SLC4A10: variants seen among roughly 807,000 people sequenced by gnomAD.
SLC4A10 encodes the protein solute carrier family 4 member 10.
In SLC4A10, 42 loss-of-function variants were observed where a neutral mutation model predicts 137.7. The ratio of observed to expected loss-of-function variants is 0.30; its 90% CI spans 0.24 to 0.39. The LOEUF (loss-of-function observed/expected upper bound fraction) is 0.39, where lower values mean the gene tolerates loss of function less well. SLC4A10 is among the 10% of genes least tolerant of loss of function. SLC4A10 has a pLI of 1.00. For missense variants in SLC4A10, 925 were observed against 1,355.0 expected (o/e 0.68, Z 4.98); for synonymous variants, 474 against 464.1 (o/e 1.02, Z -0.27).
At chr2:161,750,006 C>T (rs151071070) in intron 1 of SLC4A10, among the ~76,000 whole-genome samples, 230 of 151,688 alleles carry the variant, frequency 1.5e-3, no homozygotes, top group African/African-American at 5.4e-3. Context: ...AGAATTTACC[C>T]ATTTCCTATA....
At chr2:161,687,790 A>G (rs2041596496) in intron 1 of SLC4A10, among the ~76,000 whole-genome samples, 1 of 152,106 alleles carries the variant, frequency 6.6e-6, no homozygotes, top group African/African-American at 2.4e-5. Flanking sequence ...ATGATTTTAC[A>G]AGTGTCTGGC....
chr2:161,739,704 C>A (rs1339082451), intron 1 of SLC4A10, among the ~76,000 whole-genome samples: 1 of 152,172 alleles, frequency 6.6e-6, no homozygotes, highest in Non-Finnish European at 1.5e-5. Flanking sequence ...TAGCCATAAG[C>A]AGTCTCTGTG....
intron 21 of SLC4A10, among the ~76,000 whole-genome samples, chr2:161,959,383 G>GTGGT (rs1483886889): frequency 6.6e-6 from 1 of 152,238 alleles, no homozygotes; most frequent in African/African-American, 2.4e-5. Context: ...GATGTCCCAT[G>GTGGT]TGGTCACTGT....
chr2:161,925,409 A>G (rs923523281), intron 15 of SLC4A10, among the ~76,000 whole-genome samples: 1 of 151,976 alleles, frequency 6.6e-6, no homozygotes, highest in African/African-American at 2.4e-5. Flanking sequence ...CCCCTTTATC[A>G]TTTTTTATTG....
Position 161,905,663 on chromosome 2 carries a change from A to G in SLC4A10, c.1773A>G (p.Leu591=), listed in dbSNP as rs1684200468. Residue 591 remains leucine, a synonymous_variant, in exon 15 of 27, where the codon CTA becomes CTG. Transcript: ENST00000446997. ...CCAGAGAATATGGGCTGTCATACCTATCTTTAAGAGCTAGCATTGGACTTT... is the reference window on the plus strand; with the variant it reads ...CCAGAGAATATGGGCTGTCATACCTGTCTTTAAGAGCTAGCATTGGACTTT... ...KFCKEYGLSY[L]SLRASIGLWT... The G allele has an allele frequency of 3.7e-6, 6 of 1,610,896 alleles. No homozygotes were observed. In the East Asian group the frequency reaches 1.1e-4, roughly 30 times the overall value.
At chr2:161,916,678 T>G (rs1687178565) in intron 15 of SLC4A10, among the ~76,000 whole-genome samples, 1 of 152,204 alleles carries the variant, frequency 6.6e-6, no homozygotes, top group Non-Finnish European at 1.5e-5. Flanking sequence ...ACCAATATGA[T>G]TTCCTGGCCC....
intron 3 of SLC4A10, among the ~76,000 whole-genome samples, chr2:161,808,625 G>A (rs1316902860): frequency 6.6e-6 from 1 of 152,040 alleles, no homozygotes; most frequent in East Asian, 1.9e-4. Context: ...ATGTACATAA[G>A]TACCCAATGT....
rs2061310002 is a variant in SLC4A10, at chr2:161,873,991, C to T, written c.934C>T (p.Gln312Ter). Residue 312 changes from glutamine (Q) to a stop codon, truncating the protein, a stop_gained, in exon 8 of 27, where the codon CAG becomes TAG. Transcript: ENST00000446997. LOFTEE classifies it high-confidence loss of function. ...AAGGCATGAAAAAGGACCTCCACAC[C>T]AGCAAGAGAGAGAGGTGAGGGCATA... is the stretch of plus-strand genomic sequence containing the variant. ...KQRHEKGPPHQQEREVDLHFM... is the reference protein window; with the variant it reads ...KQRHEKGPPH The T allele has an allele frequency of 6.3e-7, 1 of 1,590,698 alleles. No individual in the cohort carries two copies. The highest frequency in any genetic ancestry group is 8.5e-7 in the Non-Finnish European group (1 of 1,176,026).
chr2:161,652,457 A>G (rs1158256069), intron 1 of SLC4A10, among the ~76,000 whole-genome samples: 1 of 152,224 alleles, frequency 6.6e-6, no homozygotes, highest in Non-Finnish European at 1.5e-5. Flanking sequence ...GAAGAATTTT[A>G]AAACTTCAGA....
At chr2:161,720,012 GT>G (rs1003302181) in intron 1 of SLC4A10, among the ~76,000 whole-genome samples, 1 of 152,134 alleles carries the variant, frequency 6.6e-6, no homozygotes, top group Admixed American at 6.5e-5. Context: ...TTCTTCTAGG[GT>G]TTTTATGGTT....
chr2:161,977,991 A>T (rs890104858), intron 26 of SLC4A10, among the ~76,000 whole-genome samples: 3 of 152,182 alleles, frequency 2.0e-5, no homozygotes, highest in Non-Finnish European at 2.9e-5. Context: ...TCCTTGATTT[A>T]TACAGATGCA....
intron 10 of SLC4A10, among the ~76,000 whole-genome samples, chr2:161,887,996 G>A (rs942863267): frequency 6.6e-6 from 1 of 152,118 alleles, no homozygotes. Flanking sequence ...GTGTAAGGAA[G>A]GGGTCCAGTT....
At chr2:161,874,727 T>C (rs190851283) in intron 8 of SLC4A10, among the ~76,000 whole-genome samples, 26 of 152,320 alleles carry the variant, frequency 1.7e-4, no homozygotes, top group Admixed American at 1.5e-3. Flanking sequence ...CTGGAAAGAA[T>C]GTGGCTTTTG....
At chr2:161,887,264 G>T (rs143092464) in intron 10 of SLC4A10, among the ~76,000 whole-genome samples, 4 of 152,190 alleles carry the variant, frequency 2.6e-5, no homozygotes, top group Admixed American at 2.6e-4. Context: ...GCAGTAGTAC[G>T]TTTATATCTT....
chr2:161,926,098 G>A (rs1460418275), intron 15 of SLC4A10, among the ~76,000 whole-genome samples: 1 of 151,988 alleles, frequency 6.6e-6, no homozygotes, highest in Non-Finnish European at 1.5e-5. Flanking sequence ...TTCAATTCCT[G>A]GGTATCCTTG....
intron 1 of SLC4A10, among the ~76,000 whole-genome samples, chr2:161,682,797 A>C (rs1003177288): frequency 2.6e-5 from 4 of 152,020 alleles, no homozygotes; most frequent in Admixed American, 2.6e-4. Flanking sequence ...GTCTCTCCAC[A>C]TGGTGTCTCC....
intron 1 of SLC4A10, among the ~76,000 whole-genome samples, chr2:161,652,360 GC>G (rs2036920971): frequency 6.6e-6 from 1 of 152,094 alleles, no homozygotes; most frequent in South Asian, 2.1e-4. Context: ...AATTGTTACA[GC>G]TTTGGGCATT....
At chr2:161,770,476 C>T (rs556463880) in intron 1 of SLC4A10, among the ~76,000 whole-genome samples, 2 of 151,834 alleles carry the variant, frequency 1.3e-5, no homozygotes, top group East Asian at 1.9e-4. Context: ...ATTAGAGTTG[C>T]CTTTTATCTA....
intron 2 of SLC4A10, among the ~76,000 whole-genome samples, chr2:161,801,445 A>C (rs1979112): frequency 0.26 from 39,625 of 151,834 alleles, 7,625 homozygotes; most frequent in African/African-American, 0.55. Flanking sequence ...ACTCCCCACA[A>C]CTCACCTTAG....
Sources: allele counts gnomAD v4.1 joint callset (sites outside exome capture counted in the v4.1 genomes callset), GRCh38; gene constraint gnomAD v4.1.1; transcripts MANE v1.5; gene names NCBI Gene and HGNC (gene_info 2026-07-23, HGNC 2026-07-21).